Variants in KCTD16 observed in about 807,000 individuals in gnomAD.
The protein encoded by KCTD16 is potassium channel tetramerization domain containing 16.
KCTD16 carries 13 observed loss-of-function variants against 33.2 expected under a neutral mutation model. That is an observed-to-expected ratio of 0.39 (90% CI 0.25 to 0.62). The LOEUF is 0.62. Among genes scored for constraint, KCTD16 ranks in the 20% least tolerant of loss-of-function variants. The pLI, the probability that KCTD16 is intolerant of heterozygous loss-of-function variation, is 0.50. For synonymous variants in KCTD16, 197 were observed against 195.3 expected (o/e 1.01, Z -0.07); for missense variants, 441 against 525.1 (o/e 0.84, Z 1.57).
intron 3 of KCTD16, among the ~76,000 whole-genome samples, chr5:144,350,780 T>C (rs1751401201): frequency 6.6e-6 from 1 of 152,058 alleles, no homozygotes; most frequent in Admixed American, 6.5e-5. Flanking sequence ...TCTTTTTTTT[T>C]TTCTCTCTCT....
chr5:144,404,642 A>G (rs1465067516), intron 3 of KCTD16, among the ~76,000 whole-genome samples: 2 of 152,230 alleles, frequency 1.3e-5, no homozygotes. Context: ...AGGCAAAACC[A>G]GTAGGTCTGT....
chr5:144,183,752 C>T (rs1300292140), intron 2 of KCTD16, among the ~76,000 whole-genome samples: 1 of 152,040 alleles, frequency 6.6e-6, no homozygotes, highest in Non-Finnish European at 1.5e-5. Flanking sequence ...AGAATAGTGC[C>T]TAGCAAATGG....
In KCTD16 at chr5:144,451,140, A is replaced by G. The variant is rs766372000; in HGVS notation, c.833-22520A>G. ...TTCCATTGAGGAATTTTTAGAATCT[A>G]TTACCCTCTATATATTTTTTCATCT... On this transcript the variant is annotated intron_variant, in intron 3 of 3. Transcript: ENST00000512467. 2.9e-4 allele frequency among the ~76,000 whole-genome samples: 44 copies of G among 152,110 alleles called. 1 individual carries two copies. Among genetic ancestry groups the G allele is most frequent in the Middle Eastern group, 6.8e-3 (2 of 294 alleles).
At chr5:144,290,164 G>T (rs942705493) in intron 3 of KCTD16, among the ~76,000 whole-genome samples, 11 of 152,128 alleles carry the variant, frequency 7.2e-5, no homozygotes, top group African/African-American at 2.4e-4. Context: ...GCAAGGAGGC[G>T]CATGTCTGTA....
intron 3 of KCTD16, among the ~76,000 whole-genome samples, chr5:144,257,378 T>C (rs939596248): frequency 6.6e-6 from 1 of 152,214 alleles, no homozygotes; most frequent in African/African-American, 2.4e-5. Flanking sequence ...TTACAGCTAC[T>C]GAACCACTAA....
rs1048119520 is a variant in KCTD16 at position 144,482,649 on chromosome 5, T to A, written c.*8535T>A. 6.6e-6 allele frequency: 1 copy of A among 151,718 alleles called. No homozygotes were observed. The highest frequency in any genetic ancestry group is 2.4e-5 in the African/African-American group (1 of 41,334). 9.4% of individuals were successfully genotyped at this position (151,718 alleles called of 1,614,324 possible). A position where few individuals can be genotyped will look rare whatever the true frequency, so the allele number is the denominator to read the frequency against. ...TAAGTTGGGAAAAAGAGAGGCAGCT[T>A]TAGAAAAGAAACTTCACCGAAATAC... On this transcript the variant is annotated 3_prime_UTR_variant, in exon 4 of 4. Coordinates refer to ENST00000512467, the MANE Select transcript of KCTD16 (RefSeq NM_020768.4).
At chr5:144,201,848 A>G (rs2126786081) in intron 2 of KCTD16, among the ~76,000 whole-genome samples, 1 of 152,342 alleles carries the variant, frequency 6.6e-6, no homozygotes. Context: ...AAGTAAGTTT[A>G]TGAGGTCTGT....
intron 3 of KCTD16, among the ~76,000 whole-genome samples, chr5:144,371,273 T>C (rs893375909): frequency 1.3e-5 from 2 of 152,188 alleles, no homozygotes; most frequent in African/African-American, 4.8e-5. Context: ...TTTTAGGTTT[T>C]TGAGATCTTT....
rs1279581558 is a variant in KCTD16, at chr5:144,475,314, G to T, written c.*1200G>T. ...CGTTTTTGTTTGCCTTTGGGATTCG[G>T]GCTTTGGCTGTGCCCATGCTAGGAT... On this transcript the variant is annotated 3_prime_UTR_variant, in exon 4 of 4. Coordinates refer to ENST00000512467, the MANE Select transcript of KCTD16 (RefSeq NM_020768.4). The T allele has an allele frequency of 6.6e-6, 1 of 152,148 alleles. No homozygotes were observed. Among genetic ancestry groups the T allele is most frequent in the Non-Finnish European group, 1.5e-5 (1 of 68,030 alleles). 9.4% of individuals were successfully genotyped at this position (152,148 alleles called of 1,614,324 possible).
At chr5:144,396,912 T>TTATATA (rs200508365) in intron 3 of KCTD16, among the ~76,000 whole-genome samples, 2,696 of 140,990 alleles carry the variant, frequency 0.019, 64 homozygotes, top group African/African-American at 0.063. Context: ...ACTTTATTTA[T>TTATATA]TATATATATA....
At chr5:144,172,799 G>A in intron 1 of KCTD16, among the ~76,000 whole-genome samples, 1 of 152,144 alleles carries the variant, frequency 6.6e-6, no homozygotes. Context: ...CCATGAAGCT[G>A]TGTTTCGAGT....
intron 3 of KCTD16, among the ~76,000 whole-genome samples, chr5:144,264,527 C>T (rs1755091689): frequency 6.6e-6 from 1 of 151,994 alleles, no homozygotes; most frequent in African/African-American, 2.4e-5. Flanking sequence ...CTTTGGAGGG[C>T]CAAGGTAGGA....
At chr5:144,422,901 G>A (rs1359478389) in intron 3 of KCTD16, among the ~76,000 whole-genome samples, 1 of 152,138 alleles carries the variant, frequency 6.6e-6, no homozygotes, top group Non-Finnish European at 1.5e-5. Flanking sequence ...GTTTATGCAA[G>A]TGTTTAGTGA....
intron 3 of KCTD16, among the ~76,000 whole-genome samples, chr5:144,265,844 C>T (rs778863079): frequency 3.1e-4 from 47 of 152,094 alleles, no homozygotes; most frequent in South Asian, 4.1e-4. Context: ...AGAAATATTA[C>T]GTAATGTGCC....
intron 3 of KCTD16, among the ~76,000 whole-genome samples, chr5:144,408,215 T>C (rs1240658030): frequency 6.6e-6 from 1 of 152,242 alleles, no homozygotes; most frequent in Non-Finnish European, 1.5e-5. Flanking sequence ...TTCTGCACAT[T>C]GTTTAACTGG....
chr5:144,184,066 G>A (rs1366156072), intron 2 of KCTD16, among the ~76,000 whole-genome samples: 5 of 152,050 alleles, frequency 3.3e-5, no homozygotes, highest in East Asian at 3.8e-4. Context: ...CTATAAAGAC[G>A]TACTTTTTAA....
At chr5:144,282,887 T>C (rs1755644614) in intron 3 of KCTD16, among the ~76,000 whole-genome samples, 1 of 152,056 alleles carries the variant, frequency 6.6e-6, no homozygotes, top group African/African-American at 2.4e-5. Context: ...TAAAAATCTG[T>C]ACAGGAGTGT....
chr5:144,195,839 C>G (rs1752929682), intron 2 of KCTD16, among the ~76,000 whole-genome samples: 1 of 152,082 alleles, frequency 6.6e-6, no homozygotes, highest in Non-Finnish European at 1.5e-5. Context: ...TTGTTCTAGG[C>G]ATGATGTTTC....
At chr5:144,454,695 T>C (rs1754021710) in intron 3 of KCTD16, among the ~76,000 whole-genome samples, 1 of 152,130 alleles carries the variant, frequency 6.6e-6, no homozygotes, top group Non-Finnish European at 1.5e-5. Context: ...CCTATTATCC[T>C]CTCTTCTTTA....
Sources: gnomAD v4.1 joint callset for allele counts (sites outside exome capture counted in the v4.1 genomes callset) on GRCh38, gnomAD v4.1.1 for gene constraint, MANE v1.5 for transcripts, NCBI Gene and HGNC (gene_info 2026-07-23, HGNC 2026-07-21) for gene names.